NRXN3: variants seen among roughly 807,000 people sequenced by gnomAD.
The protein encoded by NRXN3 is neurexin 3, also known as neurexin III.
Under a neutral mutation model 137.6 loss-of-function variants are expected in NRXN3, and 32 were observed. That is an observed-to-expected ratio of 0.23 (90% confidence interval 0.18 to 0.31). The LOEUF is 0.31. Among genes scored for constraint, NRXN3 ranks in the 10% least tolerant of loss-of-function variants. The pLI is 1.00. For missense variants in NRXN3, 1,574 were observed against 2,062.5 expected (o/e 0.76, Z 4.59); for synonymous variants, 798 against 784.5 (o/e 1.02, Z -0.29).
At chr14:79,185,478 T>TTC (rs1446081808) in intron 15 of NRXN3, among the ~76,000 whole-genome samples, 1 of 151,792 alleles carries the variant, frequency 6.6e-6, no homozygotes, top group African/African-American at 2.4e-5. Flanking sequence ...TTTTTTTTTT[T>TTC]TTTTTTAGAT....
chr14:79,852,234 AACACACAC>A (rs45581833), intron 20 of NRXN3, among the ~76,000 whole-genome samples: 3,112 of 128,252 alleles, frequency 0.024, 53 homozygotes, highest in Non-Finnish European at 0.031. Flanking sequence ...TTCAACTCCC[AACACACAC>A]ACACACACAC....
At chr14:78,566,349 G>A (rs1325283257) in intron 4 of NRXN3, among the ~76,000 whole-genome samples, 1 of 151,836 alleles carries the variant, frequency 6.6e-6, no homozygotes, top group Non-Finnish European at 1.5e-5. Flanking sequence ...TATCTGCTAT[G>A]GAAGCAGAAC....
At chr14:78,995,082 T>C (rs2099527199) in intron 15 of NRXN3, among the ~76,000 whole-genome samples, 1 of 152,208 alleles carries the variant, frequency 6.6e-6, no homozygotes, top group Admixed American at 6.5e-5. Context: ...GTTTAACATC[T>C]GTACTGATAT....
chr14:78,326,244 A>G (rs1463550152), intron 4 of NRXN3, among the ~76,000 whole-genome samples: 1 of 152,062 alleles, frequency 6.6e-6, no homozygotes, highest in Non-Finnish European at 1.5e-5. Flanking sequence ...TACCTATAGA[A>G]TGATATCTGT....
At chr14:78,328,695 T>C (rs529839121) in intron 4 of NRXN3, among the ~76,000 whole-genome samples, 1 of 152,190 alleles carries the variant, frequency 6.6e-6, no homozygotes, top group Non-Finnish European at 1.5e-5. Context: ...TTTCCAGATA[T>C]GTAATTTTAA....
intron 19 of NRXN3, among the ~76,000 whole-genome samples, chr14:79,709,023 G>A (rs1291400424): frequency 1.3e-5 from 2 of 152,028 alleles, no homozygotes; most frequent in South Asian, 2.1e-4. Context: ...GAGGATGCTC[G>A]TGTTTGCTTG....
At chr14:78,762,743 A>G (rs2098696737) in intron 8 of NRXN3, among the ~76,000 whole-genome samples, 1 of 152,210 alleles carries the variant, frequency 6.6e-6, no homozygotes, top group African/African-American at 2.4e-5. Flanking sequence ...AACACTTAGA[A>G]TCATGCCTGG....
intron 4 of NRXN3, among the ~76,000 whole-genome samples, chr14:78,555,291 T>C (rs924747619): frequency 3.3e-5 from 5 of 152,204 alleles, no homozygotes; most frequent in African/African-American, 9.6e-5. Flanking sequence ...CATTGGGTAG[T>C]ACAGAGTTTT....
chr14:78,949,934 G>GGCA (rs1459815423), intron 10 of NRXN3, among the ~76,000 whole-genome samples: 1 of 152,170 alleles, frequency 6.6e-6, no homozygotes, highest in Non-Finnish European at 1.5e-5. Flanking sequence ...GGGGATGGTA[G>GGCA]GCAGCAGGTC....
chr14:79,389,584 A>G (rs193282654), intron 15 of NRXN3, among the ~76,000 whole-genome samples: 1 of 152,336 alleles, frequency 6.6e-6, no homozygotes, highest in East Asian at 1.9e-4. Flanking sequence ...TGGGAAAATA[A>G]TAGCAACTAC....
At chr14:79,457,900 A>C (rs2096277700) in intron 15 of NRXN3, among the ~76,000 whole-genome samples, 2 of 152,188 alleles carry the variant, frequency 1.3e-5, no homozygotes, top group South Asian at 2.1e-4. Flanking sequence ...CTTTCCTCTA[A>C]TCATGTCTCA....
chr14:79,631,566 G>A (rs919453932), intron 16 of NRXN3, among the ~76,000 whole-genome samples: 25 of 152,260 alleles, frequency 1.6e-4, no homozygotes, highest in Admixed American at 6.5e-5. Context: ...GGCTTGAAAA[G>A]GGACGAGCTC....
At chr14:78,356,536 C>G (rs2084332499) in intron 4 of NRXN3, among the ~76,000 whole-genome samples, 1 of 152,216 alleles carries the variant, frequency 6.6e-6, no homozygotes, top group Non-Finnish European at 1.5e-5. Context: ...CAGTCTCCCT[C>G]CAAGTGGAAA....
At chr14:78,881,914 G>A (rs2099130078) in intron 10 of NRXN3, among the ~76,000 whole-genome samples, 1 of 151,550 alleles carries the variant, frequency 6.6e-6, no homozygotes, top group African/African-American at 2.4e-5. Context: ...CACAAACCTG[G>A]AGGCCTAGGA....
intron 1 of NRXN3, among the ~76,000 whole-genome samples, chr14:78,228,611 A>G (rs188893951): frequency 1.4e-4 from 22 of 152,292 alleles, no homozygotes; most frequent in African/African-American, 4.8e-4. Context: ...TACCCCTTTC[A>G]TGTAAGTGCT....
At chr14:78,410,895 A>G (rs575981782) in intron 4 of NRXN3, among the ~76,000 whole-genome samples, 1 of 152,290 alleles carries the variant, frequency 6.6e-6, no homozygotes, top group East Asian at 1.9e-4. Flanking sequence ...TGCCATGGGA[A>G]CTTCTTGTCA....
At chr14:79,012,392 C>T (rs185141433) in intron 15 of NRXN3, among the ~76,000 whole-genome samples, 1 of 152,028 alleles carries the variant, frequency 6.6e-6, no homozygotes, top group Non-Finnish European at 1.5e-5. Flanking sequence ...AGGAAAGAGG[C>T]AGAAATAGTA....
chr14:79,460,304 A>C (rs2096314599), intron 15 of NRXN3, among the ~76,000 whole-genome samples: 1 of 152,190 alleles, frequency 6.6e-6, no homozygotes, highest in Non-Finnish European at 1.5e-5. Flanking sequence ...ATTTGTAAGA[A>C]CAGGGTTTGA....
In NRXN3 at chr14:78,263,873, T is replaced by TTGTGTG. The variant is rs3059009; in HGVS notation, c.710-14724_710-14719dup. Among the ~76,000 whole-genome samples, 252 of 135,638 alleles carry TTGTGTG rather than the reference T, an allele frequency of 1.9e-3. 2 individuals carry two copies. The highest frequency in any genetic ancestry group is 2.4e-3 in the Non-Finnish European group (155 of 64,328). 89.0% of individuals were successfully genotyped at this position (135,638 alleles called of 152,430 possible). On this transcript the variant is annotated intron_variant, in intron 2 of 20. Coordinates refer to ENST00000335750, the MANE Select transcript of NRXN3 (RefSeq NM_001330195.2). ...ATTTTTAGCTGCTGTCAGTTCTATT[T>TTGTGTG]TGTGTGTGTGTGTGTGTGTGTGTGT...
Sources: gnomAD v4.1 joint callset for allele counts (sites outside exome capture counted in the v4.1 genomes callset) on GRCh38, gnomAD v4.1.1 for gene constraint, MANE v1.5 for transcripts, NCBI Gene and HGNC (gene_info 2026-07-23, HGNC 2026-07-21) for gene names.